Variants in SECTM1 observed in about 807,000 individuals in gnomAD.
SECTM1 encodes secreted and transmembrane 1.
A neutral mutation model predicts 18.1 loss-of-function variants in SECTM1; 10 were observed. The ratio of observed to expected loss-of-function variants is 0.55; its 90% CI spans 0.34 to 0.94. The LOEUF (loss-of-function observed/expected upper bound fraction) is 0.94. Ranked by LOEUF, SECTM1 falls within the 40% of genes least tolerant of loss-of-function variation. The pLI, the probability that SECTM1 is intolerant of heterozygous loss-of-function variation, is 0.02. For missense variants in SECTM1, 297 were observed against 322.6 expected, an observed-to-expected ratio of 0.92 and a Z score of 0.61; for synonymous variants, 137 against 139.2, an observed-to-expected ratio of 0.98 and a Z score of 0.11.
chr17:82,328,725 G>A lies in SECTM1; in HGVS notation c.-52-1433C>T, dbSNP rs139976643. 0.011 allele frequency among the ~76,000 whole-genome samples: 1,631 copies of A among 152,340 alleles called. 15 individuals are homozygous for A. The highest frequency in any genetic ancestry group is 0.016 in the Non-Finnish European group (1,106 of 68,014). ...TGTTCCAGGTGGGGCAGCGGGTAAG[G>A]CCCAGCAGGAGCCCTGGCAGGACAC... On this transcript the variant is annotated intron_variant, in intron 1 of 4. Coordinates refer to ENST00000269389, the MANE Select transcript of SECTM1 (RefSeq NM_003004.3). The surrounding 1 kb of genome is among the most constrained non-coding windows in gnomAD (Gnocchi z 5.8).
rs2052210577 is a variant in SECTM1, at chr17:82,333,604, T to TCCCCAGCACCGAGCCCC, written c.-53+95_-53+96insGGGGCTCGGTGCTGGGG. 9.3e-4 allele frequency: 106 copies of TCCCCAGCACCGAGCCCC among 114,388 alleles called. 1 individual carries two copies. The highest frequency in any genetic ancestry group is 8.6e-4 in the South Asian group (4 of 4,676). 7.1% of individuals were successfully genotyped at this position (114,388 alleles called of 1,614,324 possible). ...GCACCGAGTCCCCAGCACCGGGCCCTCAGCACCGAGTCCCCAGCACCGAGT... is the reference window on the plus strand; with the variant it reads ...GCACCGAGTCCCCAGCACCGGGCCCTCCCCAGCACCGAGCCCCCAGCACCGAGTCCCCAGCACCGAGT... On this transcript the variant is annotated intron_variant, in intron 1 of 4. Coordinates refer to ENST00000269389, the MANE Select transcript of SECTM1 (RefSeq NM_003004.3).
chr17:82,330,609 T>C lies in SECTM1; in HGVS notation c.-53+3091A>G, dbSNP rs1243124689. 6.6e-6 allele frequency among the ~76,000 whole-genome samples: 1 copy of C among 152,118 alleles called. No homozygotes were observed. The highest frequency in any genetic ancestry group is 1.9e-4 in the East Asian group (1 of 5,192). On this transcript the variant is annotated intron_variant, in intron 1 of 4. Coordinates refer to ENST00000269389, the MANE Select transcript of SECTM1 (RefSeq NM_003004.3). This position sits in a 1 kb window ranked among gnomAD's most constrained non-coding sequence, Gnocchi z 6.1. Reference sequence around the variant, plus strand: ...CAAGCTCCTCCCGCCTGGCAGTGGCTGCATCTGCCTCCCCTCCACCCTGAG... The same window carrying C: ...CAAGCTCCTCCCGCCTGGCAGTGGCCGCATCTGCCTCCCCTCCACCCTGAG...
chr17:82,327,393 C>T (rs2052156075), intron 1 of SECTM1, 101 bp from the exon 2 acceptor site: 7 of 668,250 alleles, frequency 1.0e-5, no homozygotes, highest in South Asian at 5.3e-5. Flanking sequence ...TGGGGGTCCC[C>T]GAGCTCTTCC....
intron 1 of SECTM1, among the ~76,000 whole-genome samples, chr17:82,332,019 G>A (rs533132031): frequency 1.3e-5 from 2 of 152,072 alleles, no homozygotes; most frequent in South Asian, 4.1e-4. Flanking sequence ...GTGCACGCCT[G>A]TAATCCCAGT....
At chr17:82,327,351 G>T in intron 1 of SECTM1, 59 bp from the exon 2 acceptor site, 1 of 999,838 alleles carries the variant, frequency 1.0e-6, no homozygotes, top group Non-Finnish European at 1.5e-6. Context: ...GGGACAGCGG[G>T]AGCGGCTGTC....
At chr17:82,322,822 G>A in intron 4 of SECTM1, 56 bp downstream of exon 4, 11 of 1,597,998 alleles carry the variant, frequency 6.9e-6, no homozygotes, top group Non-Finnish European at 9.4e-6. Context: ...CTCAGCCTGG[G>A]GCAGCCCCAC....
chr17:82,325,034 C>T lies in SECTM1; in HGVS notation c.95-144G>A. ...TATGTATACATCCACCCGACCCAAT[C>T]AGCACATATATCTCGTGTGGGAAGA... is the stretch of plus-strand genomic sequence containing the variant. On this transcript the variant is annotated intron_variant, in intron 2 of 4. Coordinates refer to ENST00000269389, the MANE Select transcript of SECTM1 (RefSeq NM_003004.3). The surrounding 1 kb of genome is among the most constrained non-coding windows in gnomAD (Gnocchi z 7.6). The T allele has an allele frequency of 1.4e-6, 1 of 700,740 alleles. No homozygotes were observed. The highest frequency in any genetic ancestry group is 2.3e-6 in the Non-Finnish European group (1 of 426,664). 43.4% of individuals were successfully genotyped at this position (700,740 alleles called of 1,614,324 possible). A position where few individuals can be genotyped will look rare whatever the true frequency, so the allele number is the denominator to read the frequency against.
chr17:82,331,859 G>T (rs2052194079), intron 1 of SECTM1, among the ~76,000 whole-genome samples: 1 of 152,242 alleles, frequency 6.6e-6, no homozygotes, highest in African/African-American at 2.4e-5. Context: ...TCTAGAGTGG[G>T]CCGGGCGCGG....
intron 3 of SECTM1, among the ~76,000 whole-genome samples, chr17:82,323,512 G>A (rs1308148894): frequency 1.3e-5 from 2 of 151,578 alleles, no homozygotes; most frequent in African/African-American, 4.9e-5. Flanking sequence ...GGGCTGGGAG[G>A]GGCCGTGGAG....
Position 82,324,772 on chromosome 17 carries a change from G to T in SECTM1, c.213C>A (p.His71Gln), listed in dbSNP as rs147696317. The change falls in exon 3 of 5, where the codon CAC (histidine) becomes CAA (glutamine). Residue 71 changes from histidine to glutamine, a missense_variant. Coordinates refer to ENST00000269389, the MANE Select transcript of SECTM1 (RefSeq NM_003004.3). ...CATTGAAGATGGCGCTCTCCTGCCCGTGGGCACGCAGCTTGATGTTGACAT... is the reference window on the plus strand; with the variant it reads ...CATTGAAGATGGCGCTCTCCTGCCCTTGGGCACGCAGCTTGATGTTGACAT... The part of the protein sequence containing the change: ...FSHVNIKLRA[H>Q]GQESAIFNEV... 4 of 1,614,030 alleles carry T rather than the reference G, an allele frequency of 2.5e-6. No individual in the cohort carries two copies. The highest frequency in any genetic ancestry group is 3.4e-6 in the Non-Finnish European group (4 of 1,180,032).
At chr17:82,333,529 C>T (rs2052209526) in intron 1 of SECTM1, among the ~76,000 whole-genome samples, 171 bp downstream of exon 1, 1 of 108,974 alleles carries the variant, frequency 9.2e-6, no homozygotes, top group Non-Finnish European at 2.2e-5. Flanking sequence ...CCCATCCCTG[C>T]GCGGACCGGC....
At chr17:82,327,704 C>T (rs907404676) in intron 1 of SECTM1, among the ~76,000 whole-genome samples, 4 of 152,156 alleles carry the variant, frequency 2.6e-5, no homozygotes, top group Admixed American at 1.3e-4. Flanking sequence ...CCCTCACCAA[C>T]GCTAAGCATG....
intron 3 of SECTM1, among the ~76,000 whole-genome samples, chr17:82,323,477 G>A (rs149927266): frequency 1.3e-5 from 2 of 151,458 alleles, no homozygotes; most frequent in East Asian, 2.0e-4. Context: ...CGGGTAGGTC[G>A]GAACCGGGTG....
rs1298350221 is a variant in SECTM1 at position 82,321,659 on chromosome 17, A to C, written c.*502T>G. 6.4e-6 allele frequency: 1 copy of C among 155,130 alleles called. No homozygotes were observed. Among genetic ancestry groups the C allele is most frequent in the Non-Finnish European group, 1.4e-5 (1 of 69,498 alleles). 9.6% of individuals were successfully genotyped at this position (155,130 alleles called of 1,614,324 possible). On this transcript the variant is annotated 3_prime_UTR_variant, in exon 5 of 5. Coordinates refer to ENST00000269389, the MANE Select transcript of SECTM1 (RefSeq NM_003004.3). Reference sequence around the variant, plus strand: ...AGCCATCCCAGCCTCTAAGCCCCCGACCCTACCTCGGCCCCCGGGGCTGCC... The same window carrying C: ...AGCCATCCCAGCCTCTAAGCCCCCGCCCCTACCTCGGCCCCCGGGGCTGCC...
Position 82,324,984 on chromosome 17 carries a change from A to T in SECTM1, c.95-94T>A, listed in dbSNP as rs910414709. The stretch of plus-strand genomic sequence containing the variant: ...CAGGGCCAGGGCCAGGGCAGGAGAC[A>T]GGGCCTCTAAGGGACACAGTGAACT... On this transcript the variant is annotated intron_variant, in intron 2 of 4. Transcript: ENST00000269389. 2.2e-5 allele frequency: 25 copies of T among 1,135,934 alleles called. No homozygotes were observed. The African/African-American group carries it at 3.2e-4, about 15-fold the overall frequency. The allele number at this position is 1,135,934 out of a possible 1,614,324, so 70.4% of individuals were successfully genotyped here. A position where few individuals can be genotyped will look rare whatever the true frequency, so the allele number is the denominator to read the frequency against.
Position 82,322,869 on chromosome 17 carries a change from GCCT to G in SECTM1, c.537+6_537+8del, listed in dbSNP as rs752942015. On this transcript the variant is annotated splice_donor_region_variant and intron_variant, in intron 4 of 4. Transcript: ENST00000269389. ...CACCCCGCACAAACTGGGGTGCAGG[GCCT>G]CCTACCTCCCGGCGTTGCTGGGAAC... 4 of 1,613,216 alleles carry G rather than the reference GCCT, an allele frequency of 2.5e-6. No individual in the cohort carries two copies. The highest frequency in any genetic ancestry group is 1.3e-5 in the African/African-American group (1 of 74,902).
intron 3 of SECTM1, 40 bp downstream of exon 3, chr17:82,324,542 C>T: frequency 7.5e-7 from 1 of 1,328,730 alleles, no homozygotes; most frequent in Non-Finnish European, 1.0e-6. Context: ...CGTGTCCCCT[C>T]TCACTCCCCT....
rs901726694 is a variant in SECTM1 at position 82,329,872 on chromosome 17, G to A, written c.-52-2580C>T. Among the ~76,000 whole-genome samples, 1 of 151,994 alleles carries A rather than the reference G, an allele frequency of 6.6e-6. No homozygotes were observed. The highest frequency in any genetic ancestry group is 1.5e-5 in the Non-Finnish European group (1 of 67,974). ...TCTCTCCCTCTCCTGGAGACCCTGT[G>A]ATGGCATCAAGGGCCCCCCTGGGTG... On this transcript the variant is annotated intron_variant, in intron 1 of 4. Coordinates refer to ENST00000269389, the MANE Select transcript of SECTM1 (RefSeq NM_003004.3). This position sits in a 1 kb window ranked among gnomAD's most constrained non-coding sequence, Gnocchi z 7.6.
chr17:82,322,566 C>T (rs1026426340), intron 4 of SECTM1, among the ~76,000 whole-genome samples, 196 bp from the exon 5 acceptor site: 1 of 152,182 alleles, frequency 6.6e-6, no homozygotes, highest in African/African-American at 2.4e-5. Context: ...CAGCAAGAGG[C>T]TCCCTTGGCT....
Sources: gnomAD v4.1 joint callset for allele counts (sites outside exome capture counted in the v4.1 genomes callset) on GRCh38, gnomAD v4.1.1 for gene constraint, Gnocchi (gnomAD v3.1) non-coding constraint, MANE v1.5 for transcripts, NCBI Gene and HGNC (gene_info 2026-07-23, HGNC 2026-07-21) for gene names.